Variants in TMPRSS11F observed in about 807,000 individuals in gnomAD.
TMPRSS11F encodes transmembrane serine protease 11F, also known as transmembrane protease serine 11F.
A neutral mutation model predicts 60.2 loss-of-function variants in TMPRSS11F; 47 were observed. The observed-to-expected ratio is 0.78, with a 90% CI of 0.62 to 1.00. The LOEUF is 1.00. Ranked by LOEUF, TMPRSS11F falls within the 50% of genes least tolerant of loss-of-function variation. The probability of loss-of-function intolerance (pLI) is 0.00; values close to 1 mark genes in which losing one functional copy is unlikely to be tolerated. For synonymous variants in TMPRSS11F, 166 were observed against 167.3 expected (o/e 0.99, Z 0.06); for missense variants, 519 against 522.9 (o/e 0.99, Z 0.07).
chr4:68,090,659 C>T lies in TMPRSS11F; in HGVS notation c.164-18G>A. Reference sequence around the variant, plus strand: ...CTTATCATCTGAAAGGTAAAACAAACAAAAGTCTCATGGTTAAAGGTAATA... The same window carrying T: ...CTTATCATCTGAAAGGTAAAACAAATAAAAGTCTCATGGTTAAAGGTAATA... On this transcript the variant is annotated intron_variant, in intron 2 of 9. Coordinates refer to ENST00000356291, the MANE Select transcript of TMPRSS11F (RefSeq NM_207407.2). 6.3e-7 allele frequency: 1 copy of T among 1,583,186 alleles called. No homozygotes were observed. Among genetic ancestry groups the T allele is most frequent in the Non-Finnish European group, 8.6e-7 (1 of 1,163,050 alleles).
At chr4:68,089,948 A>G (rs1723889839) in intron 3 of TMPRSS11F, among the ~76,000 whole-genome samples, 1 of 152,134 alleles carries the variant, frequency 6.6e-6, no homozygotes, top group East Asian at 1.9e-4. Flanking sequence ...CATGCTTTTC[A>G]TGGGACAAAA....
chr4:68,053,916 C>T lies in TMPRSS11F; in HGVS notation c.1310G>A (p.Gly437Asp), dbSNP rs908747349. The T allele has an allele frequency of 6.2e-7, 1 of 1,613,040 alleles. No individual in the cohort carries two copies. Among genetic ancestry groups the T allele is most frequent in the Admixed American group, 1.7e-5 (1 of 59,948 alleles). Residue 437 changes from glycine (G) to aspartate (D), a missense_variant, in exon 10 of 10, where the codon GGT becomes GAT. Gly to Asp is a moderately conservative substitution (Grantham distance 94). Coordinates refer to ENST00000356291, the MANE Select transcript of TMPRSS11F (RefSeq NM_207407.2). ...ACTCATGGGCAATCCACACTACATA[C>T]CAGTCTTTGAGGCAATCCAATCTCG... ...KYRDWIASKTGM is the reference protein window; with the variant it reads ...KYRDWIASKTDM
chr4:68,090,718 G>T, intron 2 of TMPRSS11F, 77 bp from the exon 3 acceptor site: 1 of 1,518,696 alleles, frequency 6.6e-7, no homozygotes, highest in South Asian at 1.2e-5. Flanking sequence ...GCCCACACCT[G>T]CTAAATAGGC....
At chr4:68,060,062 C>T (rs1316745318) in intron 8 of TMPRSS11F, among the ~76,000 whole-genome samples, 1 of 152,038 alleles carries the variant, frequency 6.6e-6, no homozygotes, top group African/African-American at 2.4e-5. Flanking sequence ...TAGTTTAGGG[C>T]TCTGGGTTGA....
chr4:68,094,239 G>A (rs1724017748), intron 2 of TMPRSS11F, among the ~76,000 whole-genome samples: 1 of 109,706 alleles, frequency 9.1e-6, no homozygotes, highest in Admixed American at 9.8e-5. Context: ...ATGAGTTCAT[G>A]TCCTTTGTAG....
At chr4:68,101,628 T>C (rs762925708) in intron 1 of TMPRSS11F, among the ~76,000 whole-genome samples, 23 of 152,166 alleles carry the variant, frequency 1.5e-4, no homozygotes, top group Non-Finnish European at 2.9e-4. Context: ...GATTTGTACA[T>C]GACAATTTTT....
intron 7 of TMPRSS11F, among the ~76,000 whole-genome samples, chr4:68,067,573 G>A (rs1343943964): frequency 6.6e-6 from 1 of 152,240 alleles, no homozygotes; most frequent in Non-Finnish European, 1.5e-5. Flanking sequence ...GGAGGACTGT[G>A]TGAATATGAA....
chr4:68,089,580 T>C (rs1388862242), intron 3 of TMPRSS11F, among the ~76,000 whole-genome samples: 1 of 152,082 alleles, frequency 6.6e-6, no homozygotes. Context: ...ATAAGAACTG[T>C]GGTAATAATT....
chr4:68,102,879 A>AT (rs1381767580), intron 1 of TMPRSS11F, among the ~76,000 whole-genome samples: 1 of 152,032 alleles, frequency 6.6e-6, no homozygotes, highest in Non-Finnish European at 1.5e-5. Context: ...GATACCCAAA[A>AT]AATCACTGCC....
chr4:68,094,093 T>C (rs979347884), intron 2 of TMPRSS11F, among the ~76,000 whole-genome samples: 2 of 128,966 alleles, frequency 1.6e-5, no homozygotes, highest in African/African-American at 5.5e-5. Context: ...TAAAGACACA[T>C]GCACACATAT....
intron 1 of TMPRSS11F, among the ~76,000 whole-genome samples, chr4:68,104,754 A>G (rs531781668): frequency 1.3e-5 from 2 of 152,290 alleles, no homozygotes; most frequent in African/African-American, 4.8e-5. Flanking sequence ...AGATATTTTC[A>G]ATAAAGATAA....
At chr4:68,110,579 G>C (rs1724392338) in intron 1 of TMPRSS11F, among the ~76,000 whole-genome samples, 1 of 152,120 alleles carries the variant, frequency 6.6e-6, no homozygotes, top group Non-Finnish European at 1.5e-5. Context: ...TGACATTTGT[G>C]AGCAGTATGA....
chr4:68,094,405 G>T (rs1325466283), intron 2 of TMPRSS11F, among the ~76,000 whole-genome samples: 1 of 111,826 alleles, frequency 8.9e-6, no homozygotes, highest in Admixed American at 9.8e-5. Flanking sequence ...GTTGTGGGGT[G>T]GGGGGAGGGG....
intron 1 of TMPRSS11F, among the ~76,000 whole-genome samples, chr4:68,125,144 C>T (rs1724692630): frequency 6.6e-6 from 1 of 151,236 alleles, no homozygotes; most frequent in Admixed American, 6.6e-5. Context: ...TTTTAACTTA[C>T]AAACAGGGCA....
chr4:68,101,720 A>G (rs1724193687), intron 1 of TMPRSS11F, among the ~76,000 whole-genome samples: 1 of 152,160 alleles, frequency 6.6e-6, no homozygotes, highest in Admixed American at 6.6e-5. Context: ...TTTATTGTGC[A>G]TATTTAAAGG....
At chr4:68,071,476 C>T (rs1395123583) in intron 5 of TMPRSS11F, among the ~76,000 whole-genome samples, 2 of 152,106 alleles carry the variant, frequency 1.3e-5, no homozygotes. Context: ...AAATACATAA[C>T]AAGAAGCAAT....
At chr4:68,121,001 G>A (rs899379715) in intron 1 of TMPRSS11F, among the ~76,000 whole-genome samples, 3 of 152,100 alleles carry the variant, frequency 2.0e-5, no homozygotes, top group African/African-American at 7.2e-5. Context: ...AAAATTTGTG[G>A]CACTCACTAT....
intron 3 of TMPRSS11F, among the ~76,000 whole-genome samples, chr4:68,085,945 C>T (rs1249248928): frequency 2.0e-5 from 3 of 152,110 alleles, no homozygotes; most frequent in Non-Finnish European, 4.4e-5. Flanking sequence ...CATCAACAGT[C>T]CCACTGATAA....
In TMPRSS11F at chr4:68,065,179, G is replaced by C. The variant is rs1048931851; in HGVS notation, c.756-235C>G. Among the ~76,000 whole-genome samples the C allele has an allele frequency of 2.0e-5, 3 of 151,988 alleles. No individual in the cohort carries two copies. In the East Asian group the frequency reaches 5.8e-4, roughly 29 times the overall value. ...AATTTTTAAAGTTCTTGCTTGCTGG[G>C]AACTCTTCAGGTTCTTTTTTCCTTA... On this transcript the variant is annotated intron_variant, in intron 7 of 9. Transcript: ENST00000356291.
Sources: allele counts gnomAD v4.1 joint callset (sites outside exome capture counted in the v4.1 genomes callset), GRCh38; gene constraint gnomAD v4.1.1; transcripts MANE v1.5; gene names NCBI Gene and HGNC (gene_info 2026-07-23, HGNC 2026-07-21).